MEGF8: variants seen among roughly 807,000 people sequenced by gnomAD.
MEGF8 encodes the protein multiple EGF like domains 8.
In MEGF8, 156 loss-of-function variants were observed where a neutral mutation model predicts 302.9. The observed-to-expected ratio is 0.52, with a 90% CI of 0.45 to 0.59. The LOEUF (loss-of-function observed/expected upper bound fraction) is 0.59. Among genes scored for constraint, MEGF8 ranks in the 20% least tolerant of loss-of-function variants. The pLI, the probability that MEGF8 is intolerant of heterozygous loss-of-function variation, is 0.00. For missense variants in MEGF8, 3,345 were observed against 3,964.5 expected (o/e 0.84, Z 4.20); for synonymous variants, 1,621 against 1,660.5 (o/e 0.98, Z 0.58).
chr19:42,354,154 C>A lies in MEGF8; in HGVS notation c.4011+130C>A. 8.7e-7 allele frequency: 1 copy of A among 1,146,598 alleles called. No individual in the cohort carries two copies. The highest frequency in any genetic ancestry group is 1.2e-6 in the Non-Finnish European group (1 of 837,190). 71.0% of individuals were successfully genotyped at this position (1,146,598 alleles called of 1,614,324 possible). A position where few individuals can be genotyped will look rare whatever the true frequency, so the allele number is the denominator to read the frequency against. On this transcript the variant is annotated intron_variant, in intron 22 of 41. Coordinates refer to ENST00000251268, the MANE Select transcript of MEGF8 (RefSeq NM_001271938.2). This position sits in a 1 kb window ranked among gnomAD's most constrained non-coding sequence, Gnocchi z 4.3. ...TTTGTTTTTTTAATCCTTCAAAACC[C>A]AAACTCCTCCTCAGATCCCCAGCAC...
At chr19:42,331,683 C>G (rs1045611249) in intron 1 of MEGF8, among the ~76,000 whole-genome samples, 1 of 151,670 alleles carries the variant, frequency 6.6e-6, no homozygotes, top group Non-Finnish European at 1.5e-5. Context: ...ATTCTCCTGC[C>G]TCAGCCTCCC....
intron 32 of MEGF8, 111 bp from the exon 33 acceptor site, chr19:42,361,979 T>G: frequency 6.8e-7 from 1 of 1,478,650 alleles, no homozygotes; most frequent in Non-Finnish European, 9.1e-7. Flanking sequence ...TCAGGAGGCC[T>G]GTGCTATGTC....
In MEGF8 at chr19:42,368,600, C is replaced by T. The variant is rs2039640797; in HGVS notation, c.6419C>T (p.Ala2140Val). ...CLRRPHCGWC[A>V]WGGQDGGGRC... ...CGGCGCCCCCATTGCGGCTGGTGTG[C>T]CTGGGGGGGCCAGGATGGGGGTGGC... is the stretch of plus-strand genomic sequence containing the variant. Residue 2140 changes from alanine (A) to valine (V), a missense_variant, in exon 36 of 42, where the codon GCC becomes GTC. Transcript: ENST00000251268. This position sits in a 1 kb window ranked among gnomAD's most constrained non-coding sequence, Gnocchi z 4.9. 6.4e-7 allele frequency: 1 copy of T among 1,572,116 alleles called. No homozygotes were observed. Among genetic ancestry groups the T allele is most frequent in the Non-Finnish European group, 8.6e-7 (1 of 1,159,646 alleles).
At chr19:42,374,838 G>A (rs1334493081) in intron 41 of MEGF8, among the ~76,000 whole-genome samples, 1 of 152,198 alleles carries the variant, frequency 6.6e-6, no homozygotes, top group Non-Finnish European at 1.5e-5. Context: ...GTTGGGGAGT[G>A]GGAATGGTAG....
intron 1 of MEGF8, among the ~76,000 whole-genome samples, chr19:42,327,054 G>A (rs1489174956): frequency 6.6e-6 from 1 of 152,100 alleles, no homozygotes; most frequent in African/African-American, 2.4e-5. Flanking sequence ...TTTCTCTGAG[G>A]TTCTGTTTCC....
At position 42,356,391 on chromosome 19, in the gene MEGF8, T is replaced by C. The variant is rs1264976656; in HGVS notation, c.4560T>C (p.Asp1520=). 6.2e-7 allele frequency: 1 copy of C among 1,613,040 alleles called. No homozygotes were observed. Among genetic ancestry groups the C allele is most frequent in the Admixed American group, 1.7e-5 (1 of 59,850 alleles). The part of the protein sequence containing the change: ...RLGHTMVDGP[D]ATLWMFGGLG... ...GCCACACCATGGTGGATGGACCCGA[T>C]GCCACCTTGTGGATGTTTGGGGGCC... Residue 1520 remains aspartate (D), a synonymous_variant, in exon 26 of 42, where the codon GAT becomes GAC. Coordinates refer to ENST00000251268, the MANE Select transcript of MEGF8 (RefSeq NM_001271938.2). The surrounding 1 kb of genome is among the most constrained non-coding windows in gnomAD (Gnocchi z 5.2).
chr19:42,375,910 C>T lies in MEGF8; in HGVS notation c.7673C>T (p.Pro2558Leu), dbSNP rs147216997. The change falls in exon 42 of 42, where the codon CCG (proline) becomes CTG (leucine). Residue 2558 changes from proline (P) to leucine (L), a missense_variant. Transcript: ENST00000251268. This position sits in a 1 kb window ranked among gnomAD's most constrained non-coding sequence, Gnocchi z 7.1. The stretch of plus-strand genomic sequence containing the variant: ...GGAGGAGCAGGGGCCAGCAGTGGGC[C>T]GGGCGCCCCAGCAGAGCCACGGGTA... Reference protein sequence around the residue: ...DPGGAGASSGPGAPAEPRVRE... With the variant: ...DPGGAGASSGLGAPAEPRVRE... 7.5e-3 allele frequency: 12,022 copies of T among 1,599,210 alleles called. 45 individuals carry two copies. The highest frequency in any genetic ancestry group is 0.015 in the Middle Eastern group (91 of 5,998).
At chr19:42,340,538 T>G (rs889062087) in intron 8 of MEGF8, among the ~76,000 whole-genome samples, 1 of 152,158 alleles carries the variant, frequency 6.6e-6, no homozygotes, top group African/African-American at 2.4e-5. Flanking sequence ...CTAATTTTTG[T>G]ATTTTTTTAG....
intron 35 of MEGF8, among the ~76,000 whole-genome samples, chr19:42,363,561 T>A (rs1324793951): frequency 1.3e-5 from 2 of 152,208 alleles, no homozygotes; most frequent in Non-Finnish European, 2.9e-5. Context: ...TCCATGACTT[T>A]AAAAAAATTT....
chr19:42,375,983 G>C lies in MEGF8; in HGVS notation c.7746G>C (p.Glu2582Asp). Residue 2582 changes from glutamate to aspartate, a missense_variant, in exon 42 of 42, where the codon GAG (glutamate) becomes GAC (aspartate). Glu to Asp is a conservative substitution (Grantham distance 45). Coordinates refer to ENST00000251268, the MANE Select transcript of MEGF8 (RefSeq NM_001271938.2). This position sits in a 1 kb window ranked among gnomAD's most constrained non-coding sequence, Gnocchi z 7.1. ...TGATTACCTACGTGACGGTGACGGA[G>C]CCGTCGGCAGTGCTGGTGGTCCGCG... is the stretch of plus-strand genomic sequence containing the variant. Reference protein sequence around the residue: ...RGLITYVTVTEPSAVLVVRGV... With the variant: ...RGLITYVTVTDPSAVLVVRGV... The C allele has an allele frequency of 1.2e-6, 2 of 1,606,952 alleles. No homozygotes were observed. Among genetic ancestry groups the C allele is most frequent in the Non-Finnish European group, 1.7e-6 (2 of 1,178,006 alleles).
intron 31 of MEGF8, 140 bp from the exon 32 acceptor site, chr19:42,360,635 G>A (rs1006093765): frequency 2.3e-5 from 33 of 1,462,754 alleles, no homozygotes; most frequent in East Asian, 2.0e-4. Context: ...GTGAGCCACC[G>A]CCCTTGGCCT....
intron 41 of MEGF8, among the ~76,000 whole-genome samples, chr19:42,373,153 C>T (rs930455995): frequency 9.9e-5 from 15 of 150,786 alleles, no homozygotes; most frequent in East Asian, 7.9e-4. Flanking sequence ...AGTGCAGTGG[C>T]GTGATCTTGG....
At chr19:42,364,435 G>A (rs1025035754) in intron 35 of MEGF8, among the ~76,000 whole-genome samples, 2 of 152,082 alleles carry the variant, frequency 1.3e-5, no homozygotes, top group South Asian at 2.1e-4. Context: ...CTCACCATCC[G>A]ACAACCCATG....
Position 42,336,771 on chromosome 19 carries a change from C to T in MEGF8, c.1245-36C>T, listed in dbSNP as rs757222715. ...CCTGGAGGAGGGAGAGAGACGCTTC[C>T]TGCCCTGAGCCCCTGCCCTGCTTCT... On this transcript the variant is annotated intron_variant, in intron 6 of 41. Coordinates refer to ENST00000251268, the MANE Select transcript of MEGF8 (RefSeq NM_001271938.2). The surrounding 1 kb of genome is among the most constrained non-coding windows in gnomAD (Gnocchi z 4.8). 2.6e-6 allele frequency: 4 copies of T among 1,543,734 alleles called. No individual in the cohort carries two copies. In the Admixed American group the frequency reaches 6.5e-5, roughly 25 times the overall value.
Position 42,350,386 on chromosome 19 carries a change from T to A in MEGF8, c.2736+2T>A. On this transcript the variant is annotated splice_donor_variant, in intron 15 of 41. Coordinates refer to ENST00000251268, the MANE Select transcript of MEGF8 (RefSeq NM_001271938.2). LOFTEE classifies it high-confidence loss of function. The stretch of plus-strand genomic sequence containing the variant: ...CGGGACTGCCACGCCTGCACCCAGG[T>A]GCCTGTGGGGCCACCAGGGGAGGTC... 6.6e-7 allele frequency: 1 copy of A among 1,525,864 alleles called. No homozygotes were observed. Among genetic ancestry groups the A allele is most frequent in the Non-Finnish European group, 8.8e-7 (1 of 1,137,020 alleles). The allele number at this position is 1,525,864 out of a possible 1,614,324, so 94.5% of individuals were successfully genotyped here. A position where few individuals can be genotyped will look rare whatever the true frequency, so the allele number is the denominator to read the frequency against.
chr19:42,362,390 AC>A lies in MEGF8; in HGVS notation c.5857del (p.Arg1953AlafsTer90). 6.2e-7 allele frequency: 1 copy of A among 1,613,532 alleles called. No individual in the cohort carries two copies. Among genetic ancestry groups the A allele is most frequent in the South Asian group, 1.1e-5 (1 of 91,068 alleles). ...TLQPGDGEAS[T>X]PRCKWCTNCP... is the part of the protein sequence containing the mutation. ...GCCTGTCTTCCCTCACCAGGCGTCC[AC>A]CCCCCGCTGTAAGTGGTGTACCAAC... On this transcript the variant is annotated frameshift_variant, in exon 34 of 42. Coordinates refer to ENST00000251268, the MANE Select transcript of MEGF8 (RefSeq NM_001271938.2). LOFTEE classifies it high-confidence loss of function.
chr19:42,372,696 A>T (rs1166434198), intron 41 of MEGF8, among the ~76,000 whole-genome samples: 1 of 151,574 alleles, frequency 6.6e-6, no homozygotes, highest in Non-Finnish European at 1.5e-5. Flanking sequence ...TTTTGGACAC[A>T]GAGTATTGCT....
intron 1 of MEGF8, among the ~76,000 whole-genome samples, chr19:42,329,932 C>CT (rs942630603): frequency 4.6e-4 from 70 of 151,458 alleles, no homozygotes; most frequent in African/African-American, 1.5e-3. Context: ...TATGTTCATA[C>CT]TTTATCTAGT....
At position 42,344,856 on chromosome 19, in the gene MEGF8, G is replaced by T. The variant is rs1025909796; in HGVS notation, c.2097+23G>T. ...AAGGTGGGTAGGAGGCGTGGCCCTG[G>T]GTGGGGTGTTGATGATCCTGATCCT... On this transcript the variant is annotated intron_variant, in intron 12 of 41. Coordinates refer to ENST00000251268, the MANE Select transcript of MEGF8 (RefSeq NM_001271938.2). This position sits in a 1 kb window ranked among gnomAD's most constrained non-coding sequence, Gnocchi z 4.5. 2.6e-6 allele frequency: 4 copies of T among 1,522,730 alleles called. No individual in the cohort carries two copies. Among genetic ancestry groups the T allele is most frequent in the African/African-American group, 1.4e-5 (1 of 71,988 alleles). 94.3% of individuals were successfully genotyped at this position (1,522,730 alleles called of 1,614,324 possible).
Sources: allele counts gnomAD v4.1 joint callset (sites outside exome capture counted in the v4.1 genomes callset), GRCh38; gene constraint gnomAD v4.1.1; non-coding constraint Gnocchi (gnomAD v3.1); transcripts MANE v1.5; gene names NCBI Gene and HGNC (gene_info 2026-07-23, HGNC 2026-07-21).